The following DSCAM variants were observed in gnomAD, a reference collection of about 807,000 sequenced individuals.
The protein encoded by DSCAM is cell adhesion molecule DSCAM.
Under a neutral mutation model 217.7 loss-of-function variants are expected in DSCAM, and 47 were observed. The ratio of observed to expected loss-of-function variants is 0.22; its 90% CI spans 0.17 to 0.28. DSCAM has a LOEUF of 0.28. Ranked by LOEUF, DSCAM falls within the 10% of genes least tolerant of loss-of-function variation. DSCAM has a pLI of 1.00. For missense variants in DSCAM, 2,080 were observed against 2,618.3 expected (o/e 0.79, Z 4.49); for synonymous variants, 1,056 against 1,015.3 (o/e 1.04, Z -0.76).
chr21:40,196,290 G>A (rs1044170054), intron 11 of DSCAM, among the ~76,000 whole-genome samples: 3 of 152,176 alleles, frequency 2.0e-5, no homozygotes, highest in Non-Finnish European at 4.4e-5. Flanking sequence ...GACTGGGCAG[G>A]ACCCTTGGCC....
At chr21:40,184,176 A>C (rs2090869248) in intron 14 of DSCAM, among the ~76,000 whole-genome samples, 1 of 152,226 alleles carries the variant, frequency 6.6e-6, no homozygotes, top group African/African-American at 2.4e-5. Context: ...TAATACTTGA[A>C]GGATCAGTTT....
intron 3 of DSCAM, among the ~76,000 whole-genome samples, chr21:40,462,206 T>C (rs942773987): frequency 2.6e-5 from 4 of 152,168 alleles, no homozygotes; most frequent in Non-Finnish European, 5.9e-5. Flanking sequence ...ATCCCAGCCA[T>C]ACCACCCACA....
chr21:40,371,477 T>C (rs1254631810), intron 3 of DSCAM, among the ~76,000 whole-genome samples: 1 of 151,460 alleles, frequency 6.6e-6, no homozygotes, highest in Non-Finnish European at 1.5e-5. Context: ...GCGTGGAGTA[T>C]TTTCATTAGA....
At chr21:40,280,340 C>T (rs938663724) in intron 10 of DSCAM, among the ~76,000 whole-genome samples, 2 of 151,848 alleles carry the variant, frequency 1.3e-5, no homozygotes, top group Non-Finnish European at 2.9e-5. Flanking sequence ...GCAGACACCA[C>T]CATACCCCGC....
intron 3 of DSCAM, among the ~76,000 whole-genome samples, chr21:40,408,665 T>C (rs1308087217): frequency 6.6e-6 from 1 of 152,204 alleles, no homozygotes; most frequent in Non-Finnish European, 1.5e-5. Flanking sequence ...GGCTTTGTTT[T>C]TGTCTGTTGA....
intron 32 of DSCAM, among the ~76,000 whole-genome samples, chr21:40,032,277 C>G (rs1050974799): frequency 6.6e-6 from 1 of 152,164 alleles, no homozygotes; most frequent in African/African-American, 2.4e-5. Flanking sequence ...AAGTTCTGTG[C>G]TTGCCTAAAG....
intron 9 of DSCAM, 93 bp downstream of exon 9, chr21:40,311,988 C>T: frequency 1.7e-5 from 6 of 352,238 alleles, no homozygotes; most frequent in South Asian, 1.5e-4. Flanking sequence ...TTTCTAAGTT[C>T]CAGTTATTTT....
chr21:40,842,079 G>A (rs1259390555), intron 1 of DSCAM, among the ~76,000 whole-genome samples: 7 of 152,158 alleles, frequency 4.6e-5, no homozygotes, highest in Admixed American at 6.5e-5. Context: ...GTGGCGGCTG[G>A]GTTTGCTGGC....
chr21:40,388,331 T>A (rs1364237351), intron 3 of DSCAM, among the ~76,000 whole-genome samples: 1 of 152,068 alleles, frequency 6.6e-6, no homozygotes, highest in African/African-American at 2.4e-5. Flanking sequence ...AAAAGTTAGA[T>A]GCCTCTAGAA....
chr21:40,326,316 G>T (rs576401617), intron 8 of DSCAM, among the ~76,000 whole-genome samples: 40 of 152,136 alleles, frequency 2.6e-4, no homozygotes, highest in African/African-American at 7.7e-4. Flanking sequence ...GCAACTAGGC[G>T]TTCTTGTCTT....
At chr21:40,618,263 C>T (rs1411505738) in intron 3 of DSCAM, among the ~76,000 whole-genome samples, 10 of 152,200 alleles carry the variant, frequency 6.6e-5, no homozygotes, top group Non-Finnish European at 1.5e-4. Flanking sequence ...GGAATAAATA[C>T]ATTTTAAAAT....
intron 3 of DSCAM, among the ~76,000 whole-genome samples, chr21:40,514,054 G>C (rs901298486): frequency 3.3e-5 from 5 of 152,148 alleles, no homozygotes; most frequent in Non-Finnish European, 7.3e-5. Flanking sequence ...CCATTTGTGT[G>C]ATCAGGACAG....
chr21:40,312,914 A>G (rs1268496298), intron 8 of DSCAM, among the ~76,000 whole-genome samples: 1 of 152,026 alleles, frequency 6.6e-6, no homozygotes, highest in African/African-American at 2.4e-5. Context: ...GGAGTTCAAG[A>G]CTAGCCTGGG....
At chr21:40,177,064 G>A (rs947516417) in intron 15 of DSCAM, among the ~76,000 whole-genome samples, 4 of 152,242 alleles carry the variant, frequency 2.6e-5, no homozygotes, top group African/African-American at 9.6e-5. Context: ...GAGAGAGAAG[G>A]AGAAGATTGA....
At chr21:40,601,556 G>C (rs2077062133) in intron 3 of DSCAM, among the ~76,000 whole-genome samples, 1 of 152,174 alleles carries the variant, frequency 6.6e-6, no homozygotes, top group Non-Finnish European at 1.5e-5. Flanking sequence ...TGTTGAAAAG[G>C]AGTGATGAAA....
Position 40,708,545 on chromosome 21 carries a change from G to A in DSCAM, c.270C>T (p.Ser90=), listed in dbSNP as rs1380578473. Residue 90 remains serine, a synonymous_variant, in exon 2 of 33, where the codon AGC becomes AGT. Coordinates refer to ENST00000400454, the MANE Select transcript of DSCAM (RefSeq NM_001389.5). ...TLQIFPFPPS[S]FSTLIHDNTY... ...TATTATCATGGATTAAGGTACTGAA[G>A]CTTGAAGGAGGGAAGGGGAAAATTT... 3.8e-6 allele frequency: 6 copies of A among 1,595,348 alleles called. No homozygotes were observed. Among genetic ancestry groups the A allele is most frequent in the Non-Finnish European group, 4.3e-6 (5 of 1,169,016 alleles).
Position 40,072,350 on chromosome 21 carries a change from C to CTTT in DSCAM, c.4888+2684_4888+2686dup, listed in dbSNP as rs3069680. On this transcript the variant is annotated intron_variant, in intron 27 of 32. Transcript: ENST00000400454. ...ATCCTGACCGCCCTCCTGTCAGATTCTTTTTTTTTTTTTTGAGACAGAGTC... is the reference window on the plus strand; with the variant it reads ...ATCCTGACCGCCCTCCTGTCAGATTCTTTTTTTTTTTTTTTTTGAGACAGAGTC... Among the ~76,000 whole-genome samples, 757 of 141,464 alleles carry CTTT rather than the reference C, an allele frequency of 5.4e-3. 13 individuals carry two copies. The highest frequency in any genetic ancestry group is 0.018 in the African/African-American group (674 of 37,934). The allele number at this position is 141,464 out of a possible 152,430, so 92.8% of individuals were successfully genotyped here.
At chr21:40,753,799 A>G (rs1302115280) in intron 1 of DSCAM, among the ~76,000 whole-genome samples, 1 of 152,212 alleles carries the variant, frequency 6.6e-6, no homozygotes, top group Non-Finnish European at 1.5e-5. Flanking sequence ...GAGAAGTAAA[A>G]AGCAAAAAAT....
At chr21:40,431,370 A>G (rs1001825584) in intron 3 of DSCAM, among the ~76,000 whole-genome samples, 4 of 149,662 alleles carry the variant, frequency 2.7e-5, no homozygotes, top group Non-Finnish European at 6.0e-5. Flanking sequence ...AGCCTACTCA[A>G]TGTGAAAACA....
Sources: allele counts gnomAD v4.1 joint callset (sites outside exome capture counted in the v4.1 genomes callset), GRCh38; gene constraint gnomAD v4.1.1; transcripts MANE v1.5; gene names NCBI Gene and HGNC (gene_info 2026-07-23, HGNC 2026-07-21).